FAM219A: variants seen among roughly 807,000 people sequenced by gnomAD.
FAM219A encodes the protein family with sequence similarity 219 member A, also known as protein FAM219A.
In FAM219A, 7 loss-of-function variants were observed where a neutral mutation model predicts 23.4. That is an observed-to-expected ratio of 0.30 (90% CI 0.17 to 0.56). The LOEUF (loss-of-function observed/expected upper bound fraction) is 0.56, where lower values mean the gene tolerates loss of function less well. FAM219A is among the 20% of genes least tolerant of loss of function. FAM219A has a pLI of 0.92. For synonymous variants in FAM219A, 93 were observed against 99.0 expected, an observed-to-expected ratio of 0.94 and a Z score of 0.36; for missense variants, 166 against 246.9, an observed-to-expected ratio of 0.67 and a Z score of 2.20.
chr9:34,444,780 A>T (rs1823312658), intron 1 of FAM219A, among the ~76,000 whole-genome samples: 1 of 152,136 alleles, frequency 6.6e-6, no homozygotes, highest in Non-Finnish European at 1.5e-5. Context: ...TCACTTTCTC[A>T]TAGCAGCCTT....
chr9:34,419,799 A>G (rs1822192497), intron 1 of FAM219A, among the ~76,000 whole-genome samples: 1 of 152,208 alleles, frequency 6.6e-6, no homozygotes, highest in Admixed American at 6.5e-5. Context: ...AAAGCAAAGT[A>G]ATTGGCAGAG....
chr9:34,400,768 T>G lies in FAM219A; in HGVS notation c.*196A>C. On this transcript the variant is annotated 3_prime_UTR_variant, in exon 6 of 6. Transcript: ENST00000651358. ...AGCTCCCGGGTGGAGAGAGACCCAG[T>G]TTTGGTTTCTCCAGCTCCATGAACA... 2 of 498,914 alleles carry G rather than the reference T, an allele frequency of 4.0e-6. No individual in the cohort carries two copies. Among genetic ancestry groups the G allele is most frequent in the Admixed American group, 4.1e-5 (1 of 24,418 alleles). The allele number at this position is 498,914 out of a possible 1,614,324, so 30.9% of individuals were successfully genotyped here. A position where few individuals can be genotyped will look rare whatever the true frequency, so the allele number is the denominator to read the frequency against.
chr9:34,446,561 GC>G (rs1823381344), intron 1 of FAM219A, among the ~76,000 whole-genome samples: 2 of 152,284 alleles, frequency 1.3e-5, no homozygotes, highest in South Asian at 4.1e-4. Context: ...CTGGCCTCTG[GC>G]CCAGTTTAAG....
chr9:34,439,548 C>T (rs1036494744), intron 1 of FAM219A, among the ~76,000 whole-genome samples: 2 of 152,140 alleles, frequency 1.3e-5, no homozygotes, highest in African/African-American at 2.4e-5. Flanking sequence ...GGGAAGACTA[C>T]TGACCAAGTC....
chr9:34,416,183 A>AAAAGAAAGAAAGAAAGAAAG (rs757662813), intron 1 of FAM219A, among the ~76,000 whole-genome samples: 16 of 64,084 alleles, frequency 2.5e-4, no homozygotes, highest in African/African-American at 3.1e-4. Context: ...GAAGAAAGAG[A>AAAAGAAAGAAAGAAAGAAAG]AAAGAAAGAA....
chr9:34,441,428 C>T (rs895459537), intron 1 of FAM219A, among the ~76,000 whole-genome samples: 4 of 152,180 alleles, frequency 2.6e-5, no homozygotes, highest in Non-Finnish European at 5.9e-5. Context: ...AAGGACCCTC[C>T]TCTCAGAGAA....
Position 34,458,512 on chromosome 9 carries a change from T to C in FAM219A, c.-249A>G, listed in dbSNP as rs1285739592. On this transcript the variant is annotated 5_prime_UTR_variant, in exon 1 of 6. Transcript: ENST00000651358. This position sits in a 1 kb window ranked among gnomAD's most constrained non-coding sequence, Gnocchi z 6.6. ...TGTGGCCGGGCCGAGCCGCAGGTCT[T>C]GCCTCGCCTCCTACTCCGCTGCCGC... 2 of 375,956 alleles carry C rather than the reference T, an allele frequency of 5.3e-6. No homozygotes were observed. The allele number at this position is 375,956 out of a possible 1,614,324, so 23.3% of individuals were successfully genotyped here. A position where few individuals can be genotyped will look rare whatever the true frequency, so the allele number is the denominator to read the frequency against.
rs78863090 is a variant in FAM219A, at chr9:34,405,013, G to A, written c.160+852C>T. Among the ~76,000 whole-genome samples, 1,462 of 152,358 alleles carry A rather than the reference G, an allele frequency of 9.6e-3. 9 individuals carry two copies. The highest frequency in any genetic ancestry group is 0.024 in the Middle Eastern group (7 of 294). On this transcript the variant is annotated intron_variant, in intron 2 of 5. Transcript: ENST00000651358. ...AATTGTTGGGCAGCTGGAGCCTGAGGAGGAGGATGGACAGGAGGGTGGCCT... is the reference window on the plus strand; with the variant it reads ...AATTGTTGGGCAGCTGGAGCCTGAGAAGGAGGATGGACAGGAGGGTGGCCT...
At chr9:34,416,235 GAAAGAAAGAAAGAAAGAAAGAA>G (rs1564003287) in intron 1 of FAM219A, among the ~76,000 whole-genome samples, 5 of 116,914 alleles carry the variant, frequency 4.3e-5, no homozygotes, top group Admixed American at 4.0e-4. Flanking sequence ...AAGAAAGAAA[GAAAGAAAGAAAGAAAGAAAGAA>G]AGGGGGAGGG....
chr9:34,436,235 A>T (rs929773605), intron 1 of FAM219A, among the ~76,000 whole-genome samples: 3 of 151,612 alleles, frequency 2.0e-5, no homozygotes, highest in Non-Finnish European at 2.9e-5. Flanking sequence ...TAATTATTAT[A>T]ATTTCTGGGA....
intron 1 of FAM219A, among the ~76,000 whole-genome samples, chr9:34,439,057 G>GT (rs1823056015): frequency 6.6e-6 from 1 of 151,884 alleles, no homozygotes; most frequent in Non-Finnish European, 1.5e-5. Context: ...CTTAAGAGCT[G>GT]TAACACTCAC....
At chr9:34,442,648 G>A (rs1823221468) in intron 1 of FAM219A, among the ~76,000 whole-genome samples, 1 of 150,476 alleles carries the variant, frequency 6.6e-6, no homozygotes, top group African/African-American at 2.5e-5. Flanking sequence ...TCACGCCACT[G>A]CACTCCAGCC....
At chr9:34,416,737 CA>C (rs59633026) in intron 1 of FAM219A, among the ~76,000 whole-genome samples, 117 of 112,284 alleles carry the variant, frequency 1.0e-3, no homozygotes, top group East Asian at 6.8e-3. Context: ...GACTCTGTCT[CA>C]AAAAAAAAAA....
At chr9:34,405,350 AAAGG>A (rs1192424156) in intron 2 of FAM219A, among the ~76,000 whole-genome samples, 2 of 152,196 alleles carry the variant, frequency 1.3e-5, no homozygotes, top group Admixed American at 6.5e-5. Flanking sequence ...TGTGACCCAG[AAAGG>A]AAGGGAGATA....
chr9:34,426,504 G>A (rs1028863453), intron 1 of FAM219A, among the ~76,000 whole-genome samples: 7 of 152,188 alleles, frequency 4.6e-5, no homozygotes, highest in Admixed American at 2.0e-4. Flanking sequence ...TGTCTGGATC[G>A]AGCTGCTTTG....
At chr9:34,455,716 C>G (rs544574891) in intron 1 of FAM219A, among the ~76,000 whole-genome samples, 9 of 152,236 alleles carry the variant, frequency 5.9e-5, no homozygotes, top group African/African-American at 2.2e-4. Context: ...AAAATGAAGA[C>G]TCCTGAAGAA....
intron 1 of FAM219A, among the ~76,000 whole-genome samples, chr9:34,453,774 G>A (rs927941236): frequency 6.6e-6 from 1 of 152,200 alleles, no homozygotes; most frequent in East Asian, 1.9e-4. Context: ...GTGCTTAAAA[G>A]CTCCATTTGT....
At chr9:34,446,535 G>A (rs1311650950) in intron 1 of FAM219A, among the ~76,000 whole-genome samples, 1 of 152,238 alleles carries the variant, frequency 6.6e-6, no homozygotes, top group Non-Finnish European at 1.5e-5. Context: ...ACAGAGCAGT[G>A]TGTCTTCCTG....
rs752633291 is a variant in FAM219A, at chr9:34,458,222, G to A, written c.42C>T (p.His14=). The part of the protein sequence containing the change: ...EIDRFQVPTA[H]SEMQPLDPAA... ...CCCTCACCAGCGGCTGCATCTCCGAGTGCGCGGTGGGCACCTGGAACCGGT... is the reference window on the plus strand; with the variant it reads ...CCCTCACCAGCGGCTGCATCTCCGAATGCGCGGTGGGCACCTGGAACCGGT... The change falls in exon 1 of 6, where the codon CAC becomes CAT. Residue 14 remains histidine (H), a synonymous_variant. Coordinates refer to ENST00000651358, the MANE Select transcript of FAM219A (RefSeq NM_001184940.2). This position sits in a 1 kb window ranked among gnomAD's most constrained non-coding sequence, Gnocchi z 6.6. 2 of 1,590,236 alleles carry A rather than the reference G, an allele frequency of 1.3e-6. No homozygotes were observed. The highest frequency in any genetic ancestry group is 1.4e-5 in the African/African-American group (1 of 73,916).
Sources: allele counts gnomAD v4.1 joint callset (sites outside exome capture counted in the v4.1 genomes callset), GRCh38; gene constraint gnomAD v4.1.1; non-coding constraint Gnocchi (gnomAD v3.1); transcripts MANE v1.5; gene names NCBI Gene and HGNC (gene_info 2026-07-23, HGNC 2026-07-21).